Variants in DISC1 observed in about 807,000 individuals in gnomAD.
DISC1 encodes the protein DISC1 scaffold protein.
In DISC1, 57 loss-of-function variants were observed where a neutral mutation model predicts 84.5. The observed-to-expected ratio is 0.67, with a 90% CI of 0.55 to 0.84. The LOEUF (loss-of-function observed/expected upper bound fraction) is 0.84, where lower values mean the gene tolerates loss of function less well. Among genes scored for constraint, DISC1 ranks in the 40% least tolerant of loss-of-function variants. The pLI is 0.00. For synonymous variants in DISC1, 411 were observed against 415.2 expected (o/e 0.99, Z 0.12); for missense variants, 1,000 against 1,057.8 (o/e 0.95, Z 0.76).
chr1:231,815,472 C>T (rs1240814821), intron 8 of DISC1, among the ~76,000 whole-genome samples: 5 of 152,154 alleles, frequency 3.3e-5, no homozygotes, highest in Admixed American at 3.3e-4. Context: ...GGCGCGGTGG[C>T]TCACGCCTGT....
chr1:231,827,997 G>T (rs1295703473), intron 9 of DISC1, among the ~76,000 whole-genome samples: 1 of 152,086 alleles, frequency 6.6e-6, no homozygotes, highest in Admixed American at 6.5e-5. Context: ...ATGCTTTCTG[G>T]AGTCTTAATA....
At chr1:231,690,250 A>G (rs145043113) in intron 1 of DISC1, among the ~76,000 whole-genome samples, 58 of 152,312 alleles carry the variant, frequency 3.8e-4, no homozygotes, top group Middle Eastern at 3.4e-3. Context: ...GAGAGGAAGT[A>G]AGGCATCAGC....
chr1:231,756,112 A>C (rs915836942), intron 4 of DISC1, among the ~76,000 whole-genome samples: 1 of 152,230 alleles, frequency 6.6e-6, no homozygotes, highest in African/African-American at 2.4e-5. Context: ...ACACTTACTG[A>C]AATATTATAT....
chr1:231,912,892 C>T (rs917689904), intron 9 of DISC1, among the ~76,000 whole-genome samples: 7 of 148,164 alleles, frequency 4.7e-5, no homozygotes, highest in Non-Finnish European at 8.9e-5. Flanking sequence ...CTTCCACCCC[C>T]GTTTCTGTCT....
chr1:231,775,162 C>A (rs753763857), intron 6 of DISC1, among the ~76,000 whole-genome samples: 2 of 152,230 alleles, frequency 1.3e-5, no homozygotes, highest in African/African-American at 4.8e-5. Context: ...TAAGGATTTT[C>A]ATAGAGGCCA....
chr1:231,912,678 T>C (rs988320657), intron 9 of DISC1, among the ~76,000 whole-genome samples: 1 of 152,220 alleles, frequency 6.6e-6, no homozygotes, highest in African/African-American at 2.4e-5. Context: ...TTAAACTGCA[T>C]GCTGGGAGAA....
At chr1:231,981,973 T>A (rs1345832606) in intron 10 of DISC1, among the ~76,000 whole-genome samples, 3 of 152,066 alleles carry the variant, frequency 2.0e-5, no homozygotes, top group African/African-American at 7.2e-5. Flanking sequence ...TGAAAAGCAG[T>A]GTGTTAGAAA....
In DISC1 at chr1:232,036,835, G is replaced by T; in HGVS notation, c.*4G>T. 1 of 1,548,092 alleles carries T rather than the reference G, an allele frequency of 6.5e-7. No individual in the cohort carries two copies. On this transcript the variant is annotated 3_prime_UTR_variant, in exon 13 of 13. Transcript: ENST00000439617. Reference sequence around the variant, plus strand: ...TGTCCACGAAGCACAAGCCTGAGGAGTGACGGGATGGGGGAGGGAGGTGGG... The same window carrying T: ...TGTCCACGAAGCACAAGCCTGAGGATTGACGGGATGGGGGAGGGAGGTGGG...
intron 10 of DISC1, among the ~76,000 whole-genome samples, chr1:231,980,939 C>T (rs996251646): frequency 2.6e-5 from 4 of 152,146 alleles, no homozygotes; most frequent in Admixed American, 6.5e-5. Flanking sequence ...AAGGGAAAAT[C>T]GCCTTTTATA....
intron 4 of DISC1, among the ~76,000 whole-genome samples, chr1:231,759,446 T>C (rs2075426427): frequency 8.1e-6 from 1 of 122,836 alleles, no homozygotes; most frequent in Non-Finnish European, 1.6e-5. Context: ...CCCAGCTCTT[T>C]GGGAGGCTGA....
chr1:231,870,912 C>T (rs765616556), intron 9 of DISC1, among the ~76,000 whole-genome samples: 4 of 152,110 alleles, frequency 2.6e-5, no homozygotes, highest in African/African-American at 7.2e-5. Flanking sequence ...GATTTTCAAA[C>T]GATCATGACT....
intron 10 of DISC1, among the ~76,000 whole-genome samples, chr1:231,978,930 G>A (rs925092033): frequency 3.3e-5 from 5 of 152,186 alleles, no homozygotes; most frequent in African/African-American, 4.8e-5. Flanking sequence ...GTTGAGAACC[G>A]GGCTGCACAG....
At chr1:231,829,066 G>A (rs563868618) in intron 9 of DISC1, among the ~76,000 whole-genome samples, 3 of 152,160 alleles carry the variant, frequency 2.0e-5, no homozygotes, top group African/African-American at 7.2e-5. Flanking sequence ...TCAATATACT[G>A]TGACTTACTT....
At chr1:231,930,041 C>T in intron 9 of DISC1, among the ~76,000 whole-genome samples, 1 of 152,136 alleles carries the variant, frequency 6.6e-6, no homozygotes, top group East Asian at 1.9e-4. Context: ...TGAGAGATGG[C>T]CCGAAAACCC....
At chr1:231,941,760 C>A (rs568001338) in intron 9 of DISC1, among the ~76,000 whole-genome samples, 3 of 151,818 alleles carry the variant, frequency 2.0e-5, no homozygotes, top group Admixed American at 6.6e-5. Context: ...CGTGAGCCAC[C>A]GCGCCTGGTC....
chr1:231,812,841 A>G (rs1219659968), intron 8 of DISC1, among the ~76,000 whole-genome samples: 1 of 152,182 alleles, frequency 6.6e-6, no homozygotes, highest in Non-Finnish European at 1.5e-5. Flanking sequence ...TGCATCAAGC[A>G]AGGTCTTGGT....
intron 8 of DISC1, among the ~76,000 whole-genome samples, chr1:231,810,593 C>T (rs993156048): frequency 6.6e-6 from 1 of 152,120 alleles, no homozygotes; most frequent in Non-Finnish European, 1.5e-5. Context: ...GGCAGAGACT[C>T]AAAGGTGGGC....
Position 231,731,649 on chromosome 1 carries a change from G to T in DISC1, c.1118-18277G>T, listed in dbSNP as rs542557933. Among the ~76,000 whole-genome samples the T allele has an allele frequency of 2.6e-5, 4 of 152,196 alleles. No homozygotes were observed. In the East Asian group the frequency reaches 7.7e-4, roughly 29 times the overall value. ...CAAGGTTATGTTAATTTTGTGCACT[G>T]AAAGAGCTGTGAATTTTGCAAAAGT... On this transcript the variant is annotated intron_variant, in intron 3 of 12. Transcript: ENST00000439617.
chr1:231,946,042 G>A (rs945758055), intron 9 of DISC1, among the ~76,000 whole-genome samples: 1 of 152,226 alleles, frequency 6.6e-6, no homozygotes, highest in South Asian at 2.1e-4. Context: ...ACAAAGAGGA[G>A]CTGGTACCAT....
Sources: gnomAD v4.1 joint callset for allele counts (sites outside exome capture counted in the v4.1 genomes callset) on GRCh38, gnomAD v4.1.1 for gene constraint, MANE v1.5 for transcripts, NCBI Gene and HGNC (gene_info 2026-07-23, HGNC 2026-07-21) for gene names.